ERGIC1: variants seen among roughly 807,000 people sequenced by gnomAD.
The protein encoded by ERGIC1 is endoplasmic reticulum-Golgi intermediate compartment protein 1.
ERGIC1 carries 19 observed loss-of-function variants against 38.3 expected under a neutral mutation model. The observed-to-expected ratio is 0.50, with a 90% CI of 0.35 to 0.73. The LOEUF (loss-of-function observed/expected upper bound fraction) is 0.73, where lower values mean the gene tolerates loss of function less well. Among genes scored for constraint, ERGIC1 ranks in the 30% least tolerant of loss-of-function variants. The pLI is 0.01. For missense variants in ERGIC1, 294 were observed against 389.2 expected, an observed-to-expected ratio of 0.76 and a Z score of 2.06; for synonymous variants, 124 against 157.6, an observed-to-expected ratio of 0.79 and a Z score of 1.60.
intron 1 of ERGIC1, among the ~76,000 whole-genome samples, chr5:172,863,238 A>G (rs1761765004): frequency 6.6e-6 from 1 of 152,260 alleles, no homozygotes; most frequent in Non-Finnish European, 1.5e-5. Flanking sequence ...GGCGTGAGCC[A>G]TCGTGCCTGG....
At chr5:172,869,448 G>A (rs772944215) in intron 1 of ERGIC1, among the ~76,000 whole-genome samples, 1 of 152,226 alleles carries the variant, frequency 6.6e-6, no homozygotes, top group Non-Finnish European at 1.5e-5. Context: ...CAAGCTGGGA[G>A]GCAAGCCATG....
rs768357064 is a variant in ERGIC1 at position 172,935,217 on chromosome 5, C to T, written c.672C>T (p.Arg224=). ...ACGTCGCCTACAGCCACACGGGCCGCATCATCCCTGCAATCTGGTTCCGCT... is the reference window on the plus strand; with the variant it reads ...ACGTCGCCTACAGCCACACGGGCCGTATCATCCCTGCAATCTGGTTCCGCT... ...KEYVAYSHTG[R]IIPAIWFRYD... is the part of the protein sequence containing the mutation. The change falls in exon 9 of 10, where the codon CGC becomes CGT. Residue 224 remains arginine (R), a synonymous_variant. Coordinates refer to ENST00000393784, the MANE Select transcript of ERGIC1 (RefSeq NM_001031711.3). The T allele has an allele frequency of 1.2e-6, 2 of 1,614,194 alleles. No homozygotes were observed. The highest frequency in any genetic ancestry group is 1.6e-4 in the Middle Eastern group (1 of 6,062).
intron 1 of ERGIC1, among the ~76,000 whole-genome samples, chr5:172,881,173 G>A (rs1213517462): frequency 2.0e-5 from 3 of 152,188 alleles, no homozygotes; most frequent in Non-Finnish European, 1.5e-5. Context: ...CTTGAACCTC[G>A]GAGGCGGAGG....
chr5:172,858,513 A>G (rs1761614289), intron 1 of ERGIC1, among the ~76,000 whole-genome samples: 1 of 152,108 alleles, frequency 6.6e-6, no homozygotes, highest in African/African-American at 2.4e-5. Flanking sequence ...AACAACTCAC[A>G]ATTTGCACTT....
intron 2 of ERGIC1, among the ~76,000 whole-genome samples, chr5:172,893,896 T>TATAC (rs1554110381): frequency 1.7e-4 from 7 of 40,398 alleles, no homozygotes; most frequent in African/African-American, 4.9e-4. Flanking sequence ...TATATATATA[T>TATAC]ATATATATAT....
chr5:172,932,501 C>A lies in ERGIC1; in HGVS notation c.607C>A (p.Gln203Lys). Residue 203 changes from glutamine (Q) to lysine (K), a missense_variant, in exon 8 of 10, where the codon CAG becomes AAG. Physicochemically the swap from Gln to Lys is moderately conservative, Grantham distance 53. Around this residue, in one of 3 missense-constraint regions of ERGIC1, gnomAD observed 109 missense variants for 112.7 expected, o/e 0.97. Transcript: ENST00000393784. ...PTVYEDKSGK[Q>K]RYSYQYTVAN... Reference sequence around the variant, plus strand: ...GGTTTATGAGGACAAGAGTGGCAAGCAGCGGTACTCCTACCAGTACACGGT... The same window carrying A: ...GGTTTATGAGGACAAGAGTGGCAAGAAGCGGTACTCCTACCAGTACACGGT... The A allele has an allele frequency of 6.2e-7, 1 of 1,614,164 alleles. No homozygotes were observed. Among genetic ancestry groups the A allele is most frequent in the South Asian group, 1.1e-5 (1 of 91,074 alleles).
At chr5:172,907,608 G>T (rs140862766) in intron 3 of ERGIC1, among the ~76,000 whole-genome samples, 1 of 150,368 alleles carries the variant, frequency 6.7e-6, no homozygotes, top group East Asian at 1.9e-4. Context: ...CTGCAACCAC[G>T]GTGACCTTCA....
At chr5:172,892,163 A>G (rs1271742577) in intron 2 of ERGIC1, among the ~76,000 whole-genome samples, 2 of 150,522 alleles carry the variant, frequency 1.3e-5, no homozygotes, top group African/African-American at 4.9e-5. Context: ...CACAGGAGAC[A>G]GCAAATTTCC....
intron 9 of ERGIC1, among the ~76,000 whole-genome samples, chr5:172,938,673 A>C (rs181993618): frequency 6.6e-6 from 1 of 151,838 alleles, no homozygotes; most frequent in East Asian, 1.9e-4. Context: ...AATCCCTTGA[A>C]ACCCAGAAGG....
intron 1 of ERGIC1, among the ~76,000 whole-genome samples, chr5:172,851,057 C>T (rs181131135): frequency 1.3e-4 from 19 of 151,278 alleles, no homozygotes; most frequent in Admixed American, 5.9e-4. Context: ...AAAAATTAGC[C>T]GGGCATGATG....
At chr5:172,867,307 C>A in intron 1 of ERGIC1, 1 of 418,756 alleles carries the variant, frequency 2.4e-6, no homozygotes. Flanking sequence ...CCCAGGTGGG[C>A]AGGTCCAGTT....
intron 2 of ERGIC1, among the ~76,000 whole-genome samples, chr5:172,889,004 G>C (rs1762491485): frequency 6.6e-6 from 1 of 152,248 alleles, no homozygotes; most frequent in South Asian, 2.1e-4. Context: ...TAGCTGCCAG[G>C]CTGGGCGCGG....
At chr5:172,908,170 C>G (rs1055917603) in intron 3 of ERGIC1, among the ~76,000 whole-genome samples, 27 of 151,076 alleles carry the variant, frequency 1.8e-4, no homozygotes, top group Non-Finnish European at 2.8e-4. Context: ...CATTAAGGAT[C>G]TCGAGATGGG....
At chr5:172,852,886 C>T (rs549254088) in intron 1 of ERGIC1, among the ~76,000 whole-genome samples, 2 of 152,360 alleles carry the variant, frequency 1.3e-5, no homozygotes, top group East Asian at 1.9e-4. Flanking sequence ...TGGACCTTGA[C>T]GCAGGTTCCC....
At chr5:172,941,543 T>G (rs1315388255) in intron 9 of ERGIC1, among the ~76,000 whole-genome samples, 2 of 152,174 alleles carry the variant, frequency 1.3e-5, no homozygotes, top group African/African-American at 4.8e-5. Context: ...CCCCCAGCAC[T>G]GTCTCAGGAG....
intron 1 of ERGIC1, among the ~76,000 whole-genome samples, chr5:172,862,795 TTA>T (rs1437893671): frequency 6.6e-6 from 1 of 152,246 alleles, no homozygotes; most frequent in Non-Finnish European, 1.5e-5. Context: ...GACTCACTTT[TTA>T]AAAAGCTTGC....
intron 2 of ERGIC1, among the ~76,000 whole-genome samples, chr5:172,895,533 G>T (rs749603714): frequency 6.6e-6 from 1 of 152,112 alleles, no homozygotes; most frequent in Admixed American, 6.6e-5. Flanking sequence ...CCAGCCCCAG[G>T]CCAGGCACTG....
intron 4 of ERGIC1, chr5:172,914,461 T>C: frequency 1.7e-6 from 1 of 577,018 alleles, no homozygotes; most frequent in South Asian, 2.0e-5. Context: ...AGGACCCAGA[T>C]TCAGAGGACC....
Position 172,893,885 on chromosome 5 carries a change from A to G in ERGIC1, c.83-3117A>G, listed in dbSNP as rs1188861735. ...CTTAGGGGGATATATATATATATAT[A>G]TATATATATATATATATATATGTGT... On this transcript the variant is annotated intron_variant, in intron 2 of 9. Transcript: ENST00000393784. 8.7e-4 allele frequency among the ~76,000 whole-genome samples: 11 copies of G among 12,678 alleles called. 1 individual carries two copies. Among genetic ancestry groups the G allele is most frequent in the Non-Finnish European group, 1.6e-3 (8 of 5,132 alleles). The allele number at this position is 12,678 out of a possible 152,430, so 8.3% of individuals were successfully genotyped here.
Sources: gnomAD v4.1 joint callset for allele counts (sites outside exome capture counted in the v4.1 genomes callset) on GRCh38, gnomAD v4.1.1 for gene constraint, gnomAD v4.1.1 regional missense constraint, MANE v1.5 for transcripts, NCBI Gene and HGNC (gene_info 2026-07-23, HGNC 2026-07-21) for gene names.